RBP2: variants seen among roughly 807,000 people sequenced by gnomAD.
RBP2 encodes the protein retinol-binding protein 2.
In RBP2, 17 loss-of-function variants were observed where a neutral mutation model predicts 17.0. The observed-to-expected ratio is 1.00, with a 90% CI of 0.68 to 1.50. The LOEUF is 1.50. Ranked by LOEUF, RBP2 falls within the 40% of genes most tolerant of loss-of-function variation. The pLI is 0.00. For synonymous variants in RBP2, 48 were observed against 57.1 expected, an observed-to-expected ratio of 0.84 and a Z score of 0.72; for missense variants, 158 against 168.2, an observed-to-expected ratio of 0.94 and a Z score of 0.33.
chr3:139,455,494 ACT>A (rs1303221104), intron 2 of RBP2, among the ~76,000 whole-genome samples: 7 of 152,080 alleles, frequency 4.6e-5, no homozygotes, highest in Admixed American at 2.6e-4. Context: ...AGAAGCAGGC[ACT>A]CTCTCTTATA....
chr3:139,467,253 G>A (rs1046876057), intron 1 of RBP2, among the ~76,000 whole-genome samples: 1 of 152,206 alleles, frequency 6.6e-6, no homozygotes, highest in Non-Finnish European at 1.5e-5. Context: ...ACCTGGGAAC[G>A]TGTTAGAAAT....
intron 2 of RBP2, 28 bp downstream of exon 2, chr3:139,462,084 A>G: frequency 1.3e-6 from 2 of 1,598,564 alleles, no homozygotes; most frequent in Non-Finnish European, 1.7e-6. Flanking sequence ...AGAATGTGTG[A>G]ATGAAAAACA....
intron 1 of RBP2, among the ~76,000 whole-genome samples, chr3:139,464,702 G>C (rs1417221590): frequency 6.6e-6 from 1 of 152,212 alleles, no homozygotes; most frequent in Non-Finnish European, 1.5e-5. Flanking sequence ...AAGTTGAAAA[G>C]AGAAGTAAGT....
At chr3:139,465,210 A>G (rs952300029) in intron 1 of RBP2, among the ~76,000 whole-genome samples, 1 of 152,096 alleles carries the variant, frequency 6.6e-6, no homozygotes, top group Non-Finnish European at 1.5e-5. Flanking sequence ...TTTTATGGGG[A>G]TACATAGTGA....
chr3:139,465,806 A>G (rs569687688), intron 1 of RBP2, among the ~76,000 whole-genome samples: 2 of 152,302 alleles, frequency 1.3e-5, no homozygotes, highest in East Asian at 1.9e-4. Context: ...AGCTGAAGCA[A>G]TCACACTCCA....
At chr3:139,466,179 G>T (rs1177629288) in intron 1 of RBP2, among the ~76,000 whole-genome samples, 1 of 152,154 alleles carries the variant, frequency 6.6e-6, no homozygotes, top group Admixed American at 6.5e-5. Flanking sequence ...CTCCAAGTTG[G>T]AGGGAAGGTA....
intron 2 of RBP2, among the ~76,000 whole-genome samples, chr3:139,458,426 C>T (rs1933054807): frequency 6.6e-6 from 1 of 152,146 alleles, no homozygotes; most frequent in Admixed American, 6.5e-5. Flanking sequence ...TTTTCCCTGC[C>T]CTTACTGTCT....
Position 139,453,071 on chromosome 3 carries a change from G to A in RBP2, c.*45C>T, listed in dbSNP as rs774630564. On this transcript the variant is annotated 3_prime_UTR_variant, in exon 4 of 4. Coordinates refer to ENST00000232217, the MANE Select transcript of RBP2 (RefSeq NM_004164.3). ...TCTCAAAGCCAGTAGACCACTCAGT[G>A]TGGGCAGTGGGGAGCTTGTGCTTGG... is the stretch of plus-strand genomic sequence containing the variant. 12 of 1,610,474 alleles carry A rather than the reference G, an allele frequency of 7.5e-6. No individual in the cohort carries two copies. Among genetic ancestry groups the A allele is most frequent in the Non-Finnish European group, 1.0e-5 (12 of 1,176,670 alleles).
intron 1 of RBP2, chr3:139,466,808 C>T (rs1434916784): frequency 6.6e-6 from 1 of 152,232 alleles, no homozygotes; most frequent in Non-Finnish European, 1.5e-5. Flanking sequence ...GGCCAATTTC[C>T]TTAGTTCTTT....
intron 1 of RBP2, among the ~76,000 whole-genome samples, chr3:139,471,137 T>C (rs1933552497): frequency 6.6e-6 from 1 of 152,214 alleles, no homozygotes; most frequent in East Asian, 1.9e-4. Context: ...GGAACTCGTC[T>C]CCTCATTTCC....
chr3:139,454,562 C>A (rs1208144196), intron 3 of RBP2, among the ~76,000 whole-genome samples, 167 bp downstream of exon 3: 1 of 152,198 alleles, frequency 6.6e-6, no homozygotes, highest in Non-Finnish European at 1.5e-5. Flanking sequence ...TTCCTGGAGT[C>A]CCCTGAGCCA....
intron 1 of RBP2, among the ~76,000 whole-genome samples, chr3:139,475,797 CTG>C (rs1405779304): frequency 6.6e-6 from 1 of 152,180 alleles, no homozygotes; most frequent in East Asian, 1.9e-4. Flanking sequence ...GGAACCCACT[CTG>C]TGGTGAACTC....
At chr3:139,457,818 T>G (rs1348207206) in intron 2 of RBP2, among the ~76,000 whole-genome samples, 2 of 152,190 alleles carry the variant, frequency 1.3e-5, no homozygotes, top group East Asian at 3.9e-4. Context: ...CAAGGGCAGA[T>G]AGCTGTACAC....
At chr3:139,471,052 C>T (rs772852440) in intron 1 of RBP2, among the ~76,000 whole-genome samples, 24 of 152,184 alleles carry the variant, frequency 1.6e-4, no homozygotes, top group Non-Finnish European at 2.8e-4. Context: ...TCAGCACTCA[C>T]CACTACCCAA....
chr3:139,465,592 C>G (rs899447568), intron 1 of RBP2, among the ~76,000 whole-genome samples: 1 of 152,122 alleles, frequency 6.6e-6, no homozygotes, highest in Non-Finnish European at 1.5e-5. Flanking sequence ...CCAGTTAGAC[C>G]ATCCCCATGT....
At chr3:139,463,286 A>G (rs1322394752) in intron 1 of RBP2, among the ~76,000 whole-genome samples, 1 of 151,986 alleles carries the variant, frequency 6.6e-6, no homozygotes, top group African/African-American at 2.4e-5. Context: ...TCCCAGGTTC[A>G]TGCCATTCTC....
chr3:139,458,017 G>A (rs562726654), intron 2 of RBP2, among the ~76,000 whole-genome samples: 26 of 152,352 alleles, frequency 1.7e-4, no homozygotes, highest in Non-Finnish European at 2.8e-4. Flanking sequence ...ACATACGGAA[G>A]TATTTAGGGC....
At chr3:139,461,369 A>G (rs563842597) in intron 2 of RBP2, among the ~76,000 whole-genome samples, 1 of 152,242 alleles carries the variant, frequency 6.6e-6, no homozygotes, top group African/African-American at 2.4e-5. Flanking sequence ...TCAGGGTCCC[A>G]TCTATATTCA....
intron 2 of RBP2, among the ~76,000 whole-genome samples, chr3:139,459,294 G>A (rs916110263): frequency 9.9e-5 from 15 of 151,964 alleles, no homozygotes; most frequent in Admixed American, 5.3e-4. Flanking sequence ...GGTGGCTCAC[G>A]CCTGTAACCC....
Sources: gnomAD v4.1 joint callset for allele counts (sites outside exome capture counted in the v4.1 genomes callset) on GRCh38, gnomAD v4.1.1 for gene constraint, MANE v1.5 for transcripts, NCBI Gene and HGNC (gene_info 2026-07-23, HGNC 2026-07-21) for gene names.